Variants in WRN observed in about 807,000 individuals in gnomAD.
WRN encodes the protein WRN RecQ like helicase.
In WRN, 149 loss-of-function variants were observed where a neutral mutation model predicts 180.7. That is an observed-to-expected ratio of 0.82 (90% CI 0.72 to 0.94). WRN has a LOEUF of 0.94. Ranked by LOEUF, WRN falls within the 40% of genes least tolerant of loss-of-function variation. The pLI is 0.00. For synonymous variants in WRN, 548 were observed against 568.9 expected (o/e 0.96, Z 0.52); for missense variants, 1,661 against 1,700.1 (o/e 0.98, Z 0.40).
At chr8:31,062,679 C>T (rs1372164558) in intron 3 of WRN, among the ~76,000 whole-genome samples, 1 of 151,994 alleles carries the variant, frequency 6.6e-6, no homozygotes, top group East Asian at 1.9e-4. Context: ...CCCCAAAGTG[C>T]TGGGATTACA....
rs11574163 is a variant in WRN at position 31,034,316 on chromosome 8, A to G, written c.-77+343A>G. Among the ~76,000 whole-genome samples the G allele has an allele frequency of 2.7e-3, 411 of 152,348 alleles. 3 individuals carry two copies. The highest frequency in any genetic ancestry group is 0.012 in the Admixed American group (183 of 15,306). ...GGTCTGCACAGCAAAGTCGAGGGAA[A>G]TAACCTGCTGTCTATGATTTAGCAA... On this transcript the variant is annotated intron_variant, in intron 1 of 34. Coordinates refer to ENST00000298139, the MANE Select transcript of WRN (RefSeq NM_000553.6).
intron 18 of WRN, among the ~76,000 whole-genome samples, chr8:31,105,273 T>G (rs973927288): frequency 7.9e-5 from 12 of 152,142 alleles, no homozygotes; most frequent in African/African-American, 2.9e-4. Flanking sequence ...AAATAATTCT[T>G]TAGTAGTCAC....
chr8:31,073,726 C>T (rs915320958), intron 7 of WRN, among the ~76,000 whole-genome samples: 17 of 151,956 alleles, frequency 1.1e-4, no homozygotes, highest in African/African-American at 4.1e-4. Flanking sequence ...GAGAGAGCAG[C>T]AAAGAGGACT....
intron 4 of WRN, among the ~76,000 whole-genome samples, chr8:31,064,694 G>T (rs1812624350): frequency 6.6e-6 from 1 of 152,166 alleles, no homozygotes; most frequent in Non-Finnish European, 1.5e-5. Context: ...GATATGTACT[G>T]CTATTGCTAG....
chr8:31,075,569 A>AT (rs1416375937), intron 7 of WRN, among the ~76,000 whole-genome samples: 1 of 151,942 alleles, frequency 6.6e-6, no homozygotes, highest in East Asian at 1.9e-4. Context: ...AAAAAAAAAA[A>AT]ATTAGCTGGT....
intron 24 of WRN, among the ~76,000 whole-genome samples, chr8:31,137,073 T>A (rs1024977836): frequency 6.8e-6 from 1 of 146,408 alleles, no homozygotes; most frequent in African/African-American, 2.5e-5. Flanking sequence ...TTTTTTTTTT[T>A]AATGTTACTT....
chr8:31,116,307 A>C (rs570489224), intron 19 of WRN, 47 bp from the exon 20 acceptor site: 3 of 1,600,348 alleles, frequency 1.9e-6, no homozygotes, highest in African/African-American at 2.7e-5. Context: ...GGTCTGAAGC[A>C]TGTATAAAGT....
rs1288196913 is a variant in WRN, at chr8:31,175,772, T to C, written c.*2670T>C. ...AGTAGATCTGAGAATACAGCCACTT[T>C]TGTTAAGCCAGACAATGAGATTTGC... On this transcript the variant is annotated 3_prime_UTR_variant, in exon 35 of 35. Transcript: ENST00000298139. 2.6e-5 allele frequency among the ~76,000 whole-genome samples: 4 copies of C among 152,258 alleles called. No individual in the cohort carries two copies. The highest frequency in any genetic ancestry group is 2.9e-5 in the Non-Finnish European group (2 of 68,042).
At chr8:31,161,838 C>CAAA (rs1157979302) in intron 33 of WRN, among the ~76,000 whole-genome samples, 29,042 of 97,426 alleles carry the variant, frequency 0.3, 5,028 homozygotes, top group Middle Eastern at 0.32. Context: ...GACTCTGTCT[C>CAAA]AAAAAAAAAA....
At chr8:31,098,051 G>C (rs915530821) in intron 17 of WRN, among the ~76,000 whole-genome samples, 1 of 152,070 alleles carries the variant, frequency 6.6e-6, no homozygotes, top group African/African-American at 2.4e-5. Context: ...AAACAAACTT[G>C]TATCTTTTTT....
In WRN at chr8:31,174,826, TC is replaced by T. The variant is rs1181801875; in HGVS notation, c.*1727del. On this transcript the variant is annotated 3_prime_UTR_variant, in exon 35 of 35. Transcript: ENST00000298139. ...CTTCCTTCCTTCCTTCCTTCCTCCCTCCCTCCCTCCCTCCCTCCCTCCCTCC... is the reference window on the plus strand; with the variant it reads ...CTTCCTTCCTTCCTTCCTTCCTCCCTCCTCCCTCCCTCCCTCCCTCCCTCC... Among the ~76,000 whole-genome samples, 221 of 103,090 alleles carry T rather than the reference TC, an allele frequency of 2.1e-3. 4 individuals are homozygous for T. In the East Asian group the frequency reaches 0.076, roughly 35 times the overall value. 67.6% of individuals were successfully genotyped at this position (103,090 alleles called of 152,430 possible). A position where few individuals can be genotyped will look rare whatever the true frequency, so the allele number is the denominator to read the frequency against.
chr8:31,083,569 T>C (rs1813404534), intron 9 of WRN, 130 bp from the exon 10 acceptor site: 3 of 501,532 alleles, frequency 6.0e-6, no homozygotes, highest in Non-Finnish European at 1.1e-5. Context: ...AATATGTAAA[T>C]ATATATTATA....
intron 30 of WRN, among the ~76,000 whole-genome samples, chr8:31,149,314 G>T (rs563450666): frequency 6.6e-6 from 1 of 151,322 alleles, no homozygotes; most frequent in African/African-American, 2.4e-5. Context: ...GGAGAATGGC[G>T]TGAACCCGGG....
At chr8:31,093,456 T>C (rs755630410) in intron 16 of WRN, among the ~76,000 whole-genome samples, 1 of 152,212 alleles carries the variant, frequency 6.6e-6, no homozygotes, top group Non-Finnish European at 1.5e-5. Flanking sequence ...TTGTATTTCA[T>C]TGAATATAGC....
At chr8:31,125,561 T>TATATATATATATATATATATAG (rs1801897984) in intron 23 of WRN, among the ~76,000 whole-genome samples, 1 of 130,238 alleles carries the variant, frequency 7.7e-6, no homozygotes, top group Non-Finnish European at 1.6e-5. Context: ...TATATATATA[T>TATATATATATATATATATATAG]ATATATATGG....
At chr8:31,035,059 TA>T (rs990040196) in intron 1 of WRN, among the ~76,000 whole-genome samples, 6 of 152,190 alleles carry the variant, frequency 3.9e-5, no homozygotes, top group Non-Finnish European at 5.9e-5. Flanking sequence ...TATTTTCTTT[TA>T]TTTTTTTTCC....
chr8:31,121,458 G>A (rs574159774), intron 21 of WRN, among the ~76,000 whole-genome samples: 37 of 152,068 alleles, frequency 2.4e-4, no homozygotes, highest in African/African-American at 8.9e-4. Flanking sequence ...AGTATAATGG[G>A]AATGGTAATT....
In WRN at chr8:31,173,138, T is replaced by C; in HGVS notation, c.*36T>C. The C allele has an allele frequency of 1.3e-6, 2 of 1,568,452 alleles. No homozygotes were observed. Among genetic ancestry groups the C allele is most frequent in the Non-Finnish European group, 1.8e-6 (2 of 1,139,386 alleles). ...ACCAGAACAATTATGTTTCTTGCTG[T>C]ATTATAAGAGGATAGCTATATTTTA... On this transcript the variant is annotated 3_prime_UTR_variant, in exon 35 of 35. Transcript: ENST00000298139.
In WRN at chr8:31,058,651, T is replaced by G. The variant is rs544479890; in HGVS notation, c.96+108T>G. The G allele has an allele frequency of 1.1e-5, 13 of 1,162,858 alleles. No individual in the cohort carries two copies. In the African/African-American group the frequency reaches 1.8e-4, roughly 16 times the overall value. 72.0% of individuals were successfully genotyped at this position (1,162,858 alleles called of 1,614,324 possible). A position where few individuals can be genotyped will look rare whatever the true frequency, so the allele number is the denominator to read the frequency against. On this transcript the variant is annotated intron_variant, in intron 2 of 34. Transcript: ENST00000298139. ...CTTCAAGTCATTGTTTAGGTCAGAG[T>G]TGCTGTTGTCTAAATGCACCAGGAC...
Sources: allele counts gnomAD v4.1 joint callset (sites outside exome capture counted in the v4.1 genomes callset), GRCh38; gene constraint gnomAD v4.1.1; transcripts MANE v1.5; gene names NCBI Gene and HGNC (gene_info 2026-07-23, HGNC 2026-07-21).